MAP3K2: variants seen among roughly 807,000 people sequenced by gnomAD.
The protein encoded by MAP3K2 is mitogen-activated protein kinase kinase kinase 2.
In MAP3K2, 24 loss-of-function variants were observed where a neutral mutation model predicts 80.3. The observed-to-expected ratio is 0.30, with a 90% CI of 0.22 to 0.42. The LOEUF is 0.42. MAP3K2 is among the 10% of genes least tolerant of loss of function. The pLI is 1.00. For synonymous variants in MAP3K2, 244 were observed against 253.7 expected, an observed-to-expected ratio of 0.96 and a Z score of 0.36; for missense variants, 608 against 750.1, an observed-to-expected ratio of 0.81 and a Z score of 2.21.
rs1415863368 is a variant in MAP3K2, at chr2:127,304,537, T to C, written c.*3042A>G. ...TGCCACTGTCAAAGCAGAATGCATT[T>C]TAAAGGCACAAAGTCAGCAGTCTGA... On this transcript the variant is annotated 3_prime_UTR_variant, in exon 17 of 17. Coordinates refer to ENST00000682094, the MANE Select transcript of MAP3K2 (RefSeq NM_001371910.2). The C allele has an allele frequency of 6.6e-6, 1 of 152,462 alleles. No individual in the cohort carries two copies. Among genetic ancestry groups the C allele is most frequent in the Non-Finnish European group, 1.5e-5 (1 of 68,020 alleles). 9.4% of individuals were successfully genotyped at this position (152,462 alleles called of 1,614,324 possible). A position where few individuals can be genotyped will look rare whatever the true frequency, so the allele number is the denominator to read the frequency against.
chr2:127,345,479 A>C (rs1686580566), intron 1 of MAP3K2, among the ~76,000 whole-genome samples: 1 of 152,248 alleles, frequency 6.6e-6, no homozygotes, highest in South Asian at 2.1e-4. Flanking sequence ...AGTAGACAGA[A>C]AATCAATGAG....
chr2:127,355,587 T>C (rs1416226078), intron 1 of MAP3K2, among the ~76,000 whole-genome samples: 7 of 152,306 alleles, frequency 4.6e-5, no homozygotes, highest in Non-Finnish European at 2.9e-5. Flanking sequence ...TTCAGAGTTG[T>C]AATCTTTCTG....
chr2:127,308,306 CTATT>C (rs1052123204), intron 16 of MAP3K2, among the ~76,000 whole-genome samples: 20 of 152,250 alleles, frequency 1.3e-4, no homozygotes, highest in African/African-American at 3.6e-4. Flanking sequence ...AACAAAGTAA[CTATT>C]TATTTACTTC....
chr2:127,385,804 T>C (rs1362264542), intron 1 of MAP3K2, among the ~76,000 whole-genome samples: 1 of 152,224 alleles, frequency 6.6e-6, no homozygotes, highest in Non-Finnish European at 1.5e-5. Context: ...ATACAGCACC[T>C]GTTAGTTTAA....
chr2:127,317,734 A>T lies in MAP3K2; in HGVS notation c.1221T>A (p.Ile407=). ...SKEVNALECE[I]QLLKNLLHER... Reference sequence around the variant, plus strand: ...CATGTAGCAAGTTTTTCAGCAACTGAATTTCACACTCAAGTGCATTTACTT... The same window carrying T: ...CATGTAGCAAGTTTTTCAGCAACTGTATTTCACACTCAAGTGCATTTACTT... The change falls in exon 14 of 17, where the codon ATT becomes ATA. Residue 407 remains isoleucine, a synonymous_variant. Coordinates refer to ENST00000682094, the MANE Select transcript of MAP3K2 (RefSeq NM_001371910.2). 1 of 1,603,172 alleles carries T rather than the reference A, an allele frequency of 6.2e-7. No individual in the cohort carries two copies. Among genetic ancestry groups the T allele is most frequent in the South Asian group, 1.1e-5 (1 of 89,060 alleles).
chr2:127,357,255 G>C (rs1686812476), intron 1 of MAP3K2, among the ~76,000 whole-genome samples: 1 of 152,204 alleles, frequency 6.6e-6, no homozygotes, highest in South Asian at 2.1e-4. Context: ...CCAATACTGT[G>C]AAAACTGAAA....
At chr2:127,337,874 G>A in intron 3 of MAP3K2, 96 bp from the exon 4 acceptor site, 1 of 757,312 alleles carries the variant, frequency 1.3e-6, no homozygotes, top group Non-Finnish European at 2.1e-6. Context: ...TTGTTTTTTA[G>A]CCATTCATTT....
At chr2:127,355,783 CTGTT>C (rs1160828459) in intron 1 of MAP3K2, among the ~76,000 whole-genome samples, 14 of 152,266 alleles carry the variant, frequency 9.2e-5, no homozygotes, top group Admixed American at 2.6e-4. Flanking sequence ...GCATTCGATG[CTGTT>C]TGATAAAATT....
At chr2:127,386,960 A>G (rs1305169572) in intron 1 of MAP3K2, among the ~76,000 whole-genome samples, 1 of 152,136 alleles carries the variant, frequency 6.6e-6, no homozygotes, top group Non-Finnish European at 1.5e-5. Flanking sequence ...GGGGCAATTT[A>G]CCCACCTCAT....
chr2:127,329,155 A>G (rs1558978472), intron 7 of MAP3K2, among the ~76,000 whole-genome samples: 1 of 152,182 alleles, frequency 6.6e-6, no homozygotes, highest in Non-Finnish European at 1.5e-5. Flanking sequence ...AATCTTAATT[A>G]TAACAATAAA....
At chr2:127,335,424 G>A (rs1016210534) in intron 5 of MAP3K2, among the ~76,000 whole-genome samples, 1 of 152,168 alleles carries the variant, frequency 6.6e-6, no homozygotes, top group African/African-American at 2.4e-5. Context: ...GCTAGAGCAA[G>A]CCCTTCAGAT....
At chr2:127,369,520 A>G (rs1244867208) in intron 1 of MAP3K2, among the ~76,000 whole-genome samples, 1 of 149,810 alleles carries the variant, frequency 6.7e-6, no homozygotes. Flanking sequence ...GTAAAAAATG[A>G]CTTCATCTTA....
intron 4 of MAP3K2, among the ~76,000 whole-genome samples, chr2:127,336,975 G>A (rs560071985): frequency 2.6e-5 from 4 of 152,082 alleles, no homozygotes; most frequent in South Asian, 4.2e-4. Context: ...ACCCTATCTC[G>A]ACTAAAAAAT....
chr2:127,375,801 C>T (rs1287723176), intron 1 of MAP3K2, among the ~76,000 whole-genome samples: 6 of 152,138 alleles, frequency 3.9e-5, no homozygotes, highest in Admixed American at 1.3e-4. Flanking sequence ...CTTCTAACAA[C>T]GTGACTGCTT....
At chr2:127,388,130 C>A, upstream of MAP3K2, 1 of 985,064 alleles carries the variant, frequency 1.0e-6, no homozygotes, top group Non-Finnish European at 1.2e-6. Context: ...CAGGCCACCG[C>A]CCCCACCGGC....
Position 127,353,825 on chromosome 2 carries a change from G to A in MAP3K2, c.-65-10631C>T, listed in dbSNP as rs1241670715. Among the ~76,000 whole-genome samples, 5 of 152,194 alleles carry A rather than the reference G, an allele frequency of 3.3e-5. No individual in the cohort carries two copies. The East Asian group carries it at 9.6e-4, about 29-fold the overall frequency. On this transcript the variant is annotated intron_variant, in intron 1 of 16. Transcript: ENST00000682094. ...AAGGGGGAAAGGTGGGGAAAAGATTGAGAAATCGGATGGTTGCTGTGTCTG... is the reference window on the plus strand; with the variant it reads ...AAGGGGGAAAGGTGGGGAAAAGATTAAGAAATCGGATGGTTGCTGTGTCTG...
intron 1 of MAP3K2, among the ~76,000 whole-genome samples, chr2:127,376,246 T>C (rs1687148822): frequency 7.1e-6 from 1 of 139,976 alleles, no homozygotes; most frequent in East Asian, 2.1e-4. Flanking sequence ...AAGAAACTGA[T>C]CTAGATAAGT....
chr2:127,314,300 T>A (rs938822643), intron 15 of MAP3K2, among the ~76,000 whole-genome samples: 1 of 152,202 alleles, frequency 6.6e-6, no homozygotes, highest in African/African-American at 2.4e-5. Flanking sequence ...GCATATTGCA[T>A]GCATTAACTC....
At chr2:127,383,269 A>G (rs1248658655) in intron 1 of MAP3K2, among the ~76,000 whole-genome samples, 1 of 152,166 alleles carries the variant, frequency 6.6e-6, no homozygotes, top group Non-Finnish European at 1.5e-5. Flanking sequence ...TAAACAACCC[A>G]TATCAGGTTG....
Sources: gnomAD v4.1 joint callset for allele counts (sites outside exome capture counted in the v4.1 genomes callset) on GRCh38, gnomAD v4.1.1 for gene constraint, MANE v1.5 for transcripts, NCBI Gene and HGNC (gene_info 2026-07-23, HGNC 2026-07-21) for gene names.